The following CTNND2 variants were observed in gnomAD, a reference collection of about 807,000 sequenced individuals.
The protein encoded by CTNND2 is catenin delta-2.
CTNND2 carries 22 observed loss-of-function variants against 144.4 expected under a neutral mutation model. That is an observed-to-expected ratio of 0.15 (90% confidence interval 0.11 to 0.22). The LOEUF (loss-of-function observed/expected upper bound fraction) is 0.22. CTNND2 is among the 10% of genes least tolerant of loss of function. CTNND2 has a pLI of 1.00. For missense variants in CTNND2, 1,353 were observed against 1,618.8 expected (o/e 0.84, Z 2.82); for synonymous variants, 751 against 695.6 (o/e 1.08, Z -1.25).
chr5:11,264,839 G>C, intron 9 of CTNND2, among the ~76,000 whole-genome samples: 1 of 152,292 alleles, frequency 6.6e-6, no homozygotes, highest in East Asian at 1.9e-4. Context: ...GCTGAAATGG[G>C]AGGATCACTT....
intron 16 of CTNND2, among the ~76,000 whole-genome samples, chr5:11,065,102 G>A (rs1167005619): frequency 6.6e-6 from 1 of 152,172 alleles, no homozygotes; most frequent in African/African-American, 2.4e-5. Flanking sequence ...GAGTTAACGA[G>A]GGGTGGAGGT....
intron 9 of CTNND2, among the ~76,000 whole-genome samples, chr5:11,288,764 T>C (rs1231288751): frequency 6.6e-6 from 1 of 151,690 alleles, no homozygotes; most frequent in Non-Finnish European, 1.5e-5. Context: ...ATTCAATTAG[T>C]TATTTTATTT....
chr5:11,757,570 G>A (rs951806227), intron 1 of CTNND2, among the ~76,000 whole-genome samples: 7 of 151,806 alleles, frequency 4.6e-5, no homozygotes, highest in Admixed American at 2.6e-4. Flanking sequence ...TGGAGACTTC[G>A]CCAACAACAT....
At position 11,346,455 on chromosome 5, in the gene CTNND2, T is replaced by C. The variant is rs747089324; in HGVS notation, c.1545A>G (p.Pro515=). 9.2e-5 allele frequency: 147 copies of C among 1,589,412 alleles called. No individual in the cohort carries two copies. The highest frequency in any genetic ancestry group is 1.1e-4 in the Non-Finnish European group (134 of 1,166,776). ...GGAGAGCAGGGCCGGATTTGCTGTA[T>C]GGAGACTCAACAGAGGGACAATACT... The part of the protein sequence containing the change: ...QLQYCPSVES[P]YSKSGPALPP... Residue 515 remains proline (P), a synonymous_variant, in exon 9 of 22, where the codon CCA becomes CCG. Coordinates refer to ENST00000304623, the MANE Select transcript of CTNND2 (RefSeq NM_001332.4).
chr5:11,806,770 G>A (rs1792027066), intron 1 of CTNND2, among the ~76,000 whole-genome samples: 1 of 151,934 alleles, frequency 6.6e-6, no homozygotes, highest in South Asian at 2.1e-4. Context: ...CTACAATAAT[G>A]AACATAAATG....
At chr5:11,105,397 G>A (rs1752325662) in intron 14 of CTNND2, among the ~76,000 whole-genome samples, 1 of 152,218 alleles carries the variant, frequency 6.6e-6, no homozygotes, top group Admixed American at 6.5e-5. Context: ...GGTTGTCATG[G>A]CTGTGGCAGA....
intron 21 of CTNND2, 152 bp downstream of exon 21, chr5:10,981,621 G>A (rs1376330319): frequency 4.4e-6 from 3 of 676,768 alleles, no homozygotes; most frequent in Non-Finnish European, 7.8e-6. Flanking sequence ...ACACACACAC[G>A]CTGCAACAGG....
chr5:11,000,466 A>G (rs1285856991), intron 18 of CTNND2, among the ~76,000 whole-genome samples: 2 of 152,200 alleles, frequency 1.3e-5, no homozygotes, highest in Admixed American at 1.3e-4. Flanking sequence ...GGTTGCAGTG[A>G]GCCGAGATTG....
At chr5:11,882,657 T>A (rs558849911) in intron 1 of CTNND2, among the ~76,000 whole-genome samples, 5 of 152,232 alleles carry the variant, frequency 3.3e-5, no homozygotes, top group East Asian at 3.9e-4. Context: ...CATTGGCCTA[T>A]GTGTCTGTTT....
intron 16 of CTNND2, among the ~76,000 whole-genome samples, chr5:11,038,940 C>A (rs6881839): frequency 3.9e-5 from 6 of 152,002 alleles, no homozygotes; most frequent in African/African-American, 1.4e-4. Flanking sequence ...AGGGGCAGAA[C>A]GTCAGCATTA....
intron 2 of CTNND2, among the ~76,000 whole-genome samples, chr5:11,714,126 G>A (rs756607288): frequency 2.6e-5 from 4 of 152,164 alleles, no homozygotes; most frequent in South Asian, 2.1e-4. Flanking sequence ...GATATTTCTC[G>A]TGATTGTATC....
At chr5:11,788,983 C>T (rs1790995344) in intron 1 of CTNND2, among the ~76,000 whole-genome samples, 2 of 152,028 alleles carry the variant, frequency 1.3e-5, no homozygotes, top group Admixed American at 6.6e-5. Flanking sequence ...CCAACTTCAT[C>T]CATGTCAAAG....
At chr5:11,058,271 A>G (rs959926420) in intron 16 of CTNND2, among the ~76,000 whole-genome samples, 5 of 152,202 alleles carry the variant, frequency 3.3e-5, no homozygotes, top group Admixed American at 2.6e-4. Context: ...CTGGAGGCCT[A>G]GGAGGAAAAA....
At chr5:11,684,353 C>T (rs1170605157) in intron 2 of CTNND2, among the ~76,000 whole-genome samples, 1 of 152,166 alleles carries the variant, frequency 6.6e-6, no homozygotes, top group South Asian at 2.1e-4. Flanking sequence ...CCACCCGCCT[C>T]GGCCTCCCAA....
At chr5:11,642,100 C>A (rs1026514265) in intron 2 of CTNND2, among the ~76,000 whole-genome samples, 1 of 151,914 alleles carries the variant, frequency 6.6e-6, no homozygotes, top group African/African-American at 2.4e-5. Context: ...AAAAAGAAAA[C>A]CCACGGAGTT....
chr5:11,208,269 T>C (rs2149841259), intron 10 of CTNND2, among the ~76,000 whole-genome samples: 1 of 152,318 alleles, frequency 6.6e-6, no homozygotes, highest in African/African-American at 2.4e-5. Context: ...AGATTTCCAC[T>C]GGTCTCCAGA....
At chr5:11,269,054 G>A (rs959152257) in intron 9 of CTNND2, among the ~76,000 whole-genome samples, 2 of 152,178 alleles carry the variant, frequency 1.3e-5, no homozygotes, top group African/African-American at 4.8e-5. Flanking sequence ...TAAGAGCATG[G>A]CCTCTGGAGG....
chr5:11,281,285 TGG>T (rs1412819300), intron 9 of CTNND2, among the ~76,000 whole-genome samples: 2 of 152,148 alleles, frequency 1.3e-5, no homozygotes, highest in Non-Finnish European at 2.9e-5. Context: ...TAAAATGGCT[TGG>T]GGGAGCTACG....
intron 2 of CTNND2, among the ~76,000 whole-genome samples, chr5:11,614,759 G>A (rs1024614537): frequency 1.3e-5 from 2 of 152,168 alleles, no homozygotes; most frequent in Non-Finnish European, 2.9e-5. Context: ...ATCACTGAGT[G>A]GGGTGGCATA....
Sources: gnomAD v4.1 joint callset for allele counts (sites outside exome capture counted in the v4.1 genomes callset) on GRCh38, gnomAD v4.1.1 for gene constraint, MANE v1.5 for transcripts, NCBI Gene and HGNC (gene_info 2026-07-23, HGNC 2026-07-21) for gene names.